Variants in GALNT13 observed in about 807,000 individuals in gnomAD.
The protein encoded by GALNT13 is polypeptide N-acetylgalactosaminyltransferase 13.
A neutral mutation model predicts 64.2 loss-of-function variants in GALNT13; 28 were observed. The ratio of observed to expected loss-of-function variants is 0.44; its 90% CI spans 0.32 to 0.60. The LOEUF (loss-of-function observed/expected upper bound fraction) is 0.60. Ranked by LOEUF, GALNT13 falls within the 20% of genes least tolerant of loss-of-function variation. The pLI is 0.05. For synonymous variants in GALNT13, 214 were observed against 224.6 expected (o/e 0.95, Z 0.42); for missense variants, 577 against 669.8 (o/e 0.86, Z 1.53).
chr2:153,356,510 T>A, the GALNT13 span: 1 of 152,206 alleles, frequency 6.6e-6, no homozygotes, highest in Non-Finnish European at 1.5e-5. Context: ...CATCAATGAC[T>A]GGCCAATTTT....
chr2:153,647,420 G>A, the GALNT13 span, among the ~76,000 whole-genome samples: 3 of 152,148 alleles, frequency 2.0e-5, no homozygotes, highest in African/African-American at 7.2e-5. Flanking sequence ...TAGGTTGTCT[G>A]TTCACTCTGA....
At chr2:154,148,778 G>A (rs1446592667) in intron 4 of GALNT13, among the ~76,000 whole-genome samples, 1 of 152,040 alleles carries the variant, frequency 6.6e-6, no homozygotes, top group Non-Finnish European at 1.5e-5. Flanking sequence ...GGGTTGTTTT[G>A]TTTTTTTCTT....
intron 3 of GALNT13, among the ~76,000 whole-genome samples, chr2:154,007,064 T>A (rs1489872001): frequency 1.3e-5 from 2 of 152,230 alleles, no homozygotes; most frequent in East Asian, 3.9e-4. Context: ...GGAGATTATC[T>A]TAGGTGCACC....
At chr2:153,512,485 TAA>T in the GALNT13 span, among the ~76,000 whole-genome samples, 1 of 152,196 alleles carries the variant, frequency 6.6e-6, no homozygotes. Flanking sequence ...TCATGGTGGT[TAA>T]GAGTGTGAGC....
chr2:154,209,092 A>G (rs1046658255), intron 4 of GALNT13, among the ~76,000 whole-genome samples: 1 of 151,932 alleles, frequency 6.6e-6, no homozygotes, highest in Non-Finnish European at 1.5e-5. Context: ...GAACAACAAA[A>G]ACAGGAAGAA....
chr2:154,162,540 C>A (rs1167809451), intron 4 of GALNT13, among the ~76,000 whole-genome samples: 1 of 151,280 alleles, frequency 6.6e-6, no homozygotes, highest in Non-Finnish European at 1.5e-5. Context: ...GAGAACTTGG[C>A]TGGGAACACA....
At chr2:153,947,202 C>T (rs1300816651) in intron 3 of GALNT13, among the ~76,000 whole-genome samples, 1 of 152,042 alleles carries the variant, frequency 6.6e-6, no homozygotes, top group Non-Finnish European at 1.5e-5. Context: ...TTACTCTATG[C>T]AAATCCTGGG....
the GALNT13 span, among the ~76,000 whole-genome samples, chr2:153,479,314 A>C: frequency 3.9e-5 from 6 of 152,052 alleles, no homozygotes; most frequent in African/African-American, 9.7e-5. Context: ...CAAAGCAATG[A>C]ATTTGGAAAG....
At chr2:153,867,051 A>T (rs1052499548), upstream of GALNT13, among the ~76,000 whole-genome samples, 1 of 152,238 alleles carries the variant, frequency 6.6e-6, no homozygotes, top group South Asian at 2.1e-4. Context: ...CCCGTGCATT[A>T]TAAGAACAGT....
chr2:153,884,785 A>ATATATATATG (rs1450308010), intron 1 of GALNT13, among the ~76,000 whole-genome samples: 17 of 122,488 alleles, frequency 1.4e-4, no homozygotes, highest in South Asian at 1.2e-3. Context: ...ATATATATAT[A>ATATATATATG]TGTGTGTGTA....
intron 11 of GALNT13, among the ~76,000 whole-genome samples, chr2:154,423,968 C>G (rs1700364040): frequency 6.6e-6 from 1 of 152,114 alleles, no homozygotes; most frequent in African/African-American, 2.4e-5. Flanking sequence ...ACCCTAGACC[C>G]CTAATCCAGC....
intron 3 of GALNT13, among the ~76,000 whole-genome samples, chr2:153,992,959 A>G (rs1695259260): frequency 6.6e-6 from 1 of 152,128 alleles, no homozygotes; most frequent in Admixed American, 6.5e-5. Flanking sequence ...AAAACTTTAA[A>G]ATCCTACAAA....
At chr2:153,961,707 C>T (rs942964427) in intron 3 of GALNT13, among the ~76,000 whole-genome samples, 10 of 152,080 alleles carry the variant, frequency 6.6e-5, no homozygotes, top group East Asian at 1.9e-4. Flanking sequence ...ACAAAATTTA[C>T]AAGCTTGAAG....
the GALNT13 span, among the ~76,000 whole-genome samples, chr2:153,797,559 T>C: frequency 6.6e-6 from 1 of 152,152 alleles, no homozygotes; most frequent in South Asian, 2.1e-4. Context: ...ATGTCACCTC[T>C]AGTCTGCATG....
At chr2:153,810,763 C>T in the GALNT13 span, among the ~76,000 whole-genome samples, 11 of 152,236 alleles carry the variant, frequency 7.2e-5, 1 homozygote, top group South Asian at 2.3e-3. Flanking sequence ...AGGAAGAATG[C>T]TATATACATT....
the GALNT13 span, among the ~76,000 whole-genome samples, chr2:153,835,886 A>G: frequency 6.6e-6 from 1 of 152,046 alleles, no homozygotes; most frequent in Non-Finnish European, 1.5e-5. Context: ...CTAAGATTGA[A>G]TATCAGATTA....
intron 3 of GALNT13, among the ~76,000 whole-genome samples, chr2:154,108,624 T>G (rs1702757697): frequency 6.6e-6 from 1 of 152,120 alleles, no homozygotes; most frequent in Non-Finnish European, 1.5e-5. Flanking sequence ...TGGTTGCCTG[T>G]GCTTTTGGGG....
chr2:154,092,054 G>A (rs546562740), intron 3 of GALNT13, among the ~76,000 whole-genome samples: 198 of 141,380 alleles, frequency 1.4e-3, no homozygotes, highest in Non-Finnish European at 2.6e-3. Flanking sequence ...GCCAGCAGAG[G>A]CATTTCATGC....
the GALNT13 span, among the ~76,000 whole-genome samples, chr2:153,829,218 T>C: frequency 2.0e-5 from 3 of 152,108 alleles, no homozygotes; most frequent in Admixed American, 6.6e-5. Context: ...CATTTTTGGG[T>C]ATCTTTTCAG....
Sources: gnomAD v4.1 joint callset for allele counts (sites outside exome capture counted in the v4.1 genomes callset) on GRCh38, gnomAD v4.1.1 for gene constraint, MANE v1.5 for transcripts, NCBI Gene and HGNC (gene_info 2026-07-23, HGNC 2026-07-21) for gene names.